Variants in TMEM117 observed in about 807,000 individuals in gnomAD.
TMEM117 encodes transmembrane protein 117.
Under a neutral mutation model 52.4 loss-of-function variants are expected in TMEM117, and 27 were observed. The observed-to-expected ratio is 0.51, with a 90% CI of 0.38 to 0.71. The LOEUF is 0.71. Ranked by LOEUF, TMEM117 falls within the 30% of genes least tolerant of loss-of-function variation. The probability of loss-of-function intolerance (pLI) is 0.00; values close to 1 mark genes in which losing one functional copy is unlikely to be tolerated. For synonymous variants in TMEM117, 215 were observed against 206.3 expected (o/e 1.04, Z -0.36); for missense variants, 556 against 630.5 (o/e 0.88, Z 1.26).
At chr12:43,799,793 A>G in the TMEM117 span, among the ~76,000 whole-genome samples, 2 of 152,130 alleles carry the variant, frequency 1.3e-5, no homozygotes, top group African/African-American at 4.8e-5. Context: ...GTAAGTCTAT[A>G]GGACAACTGT....
intron 3 of TMEM117, among the ~76,000 whole-genome samples, chr12:44,072,637 C>G (rs1947319459): frequency 6.6e-6 from 1 of 152,112 alleles, no homozygotes; most frequent in Non-Finnish European, 1.5e-5. Context: ...GAAAATAAAA[C>G]AAACAACAAA....
intron 3 of TMEM117, among the ~76,000 whole-genome samples, chr12:43,981,794 GAAA>G (rs1230539468): frequency 1.3e-5 from 2 of 151,682 alleles, no homozygotes; most frequent in Non-Finnish European, 2.9e-5. Flanking sequence ...GAATTGCAAA[GAAA>G]AAAAATGTAG....
chr12:44,104,236 A>G (rs996692365), intron 3 of TMEM117, among the ~76,000 whole-genome samples: 5 of 152,038 alleles, frequency 3.3e-5, no homozygotes, highest in Admixed American at 3.3e-4. Flanking sequence ...TATAACAGGA[A>G]TATAAGGTCA....
At chr12:44,330,924 T>G (rs898689074) in intron 6 of TMEM117, among the ~76,000 whole-genome samples, 1 of 152,070 alleles carries the variant, frequency 6.6e-6, no homozygotes, top group Non-Finnish European at 1.5e-5. Flanking sequence ...AATGGCATTG[T>G]TTTATACTAT....
chr12:43,839,312 G>A (rs978504970), intron 1 of TMEM117, among the ~76,000 whole-genome samples: 5 of 151,986 alleles, frequency 3.3e-5, no homozygotes, highest in African/African-American at 7.3e-5. Flanking sequence ...TCCCACTCAG[G>A]GTGAAAGCCC....
intron 3 of TMEM117, among the ~76,000 whole-genome samples, chr12:44,061,130 A>G (rs1947132490): frequency 6.6e-6 from 1 of 152,296 alleles, no homozygotes; most frequent in Non-Finnish European, 1.5e-5. Flanking sequence ...TGAGTTGAAA[A>G]TATTTATTGC....
intron 6 of TMEM117, among the ~76,000 whole-genome samples, chr12:44,366,578 G>C (rs1951792414): frequency 6.6e-6 from 1 of 152,066 alleles, no homozygotes. Context: ...CTAGAGCTCA[G>C]AGGATGAATG....
intron 6 of TMEM117, among the ~76,000 whole-genome samples, chr12:44,348,215 G>A (rs1951513900): frequency 6.6e-6 from 1 of 151,326 alleles, no homozygotes; most frequent in Non-Finnish European, 1.5e-5. Context: ...ACACATTCTG[G>A]TTTAAGATAT....
intron 6 of TMEM117, among the ~76,000 whole-genome samples, chr12:44,318,115 C>T (rs1003033382): frequency 3.9e-5 from 6 of 152,144 alleles, no homozygotes; most frequent in African/African-American, 1.2e-4. Flanking sequence ...CATAGGGGGC[C>T]GTACTGCACC....
At chr12:44,089,975 T>C (rs1418826704) in intron 3 of TMEM117, among the ~76,000 whole-genome samples, 1 of 152,218 alleles carries the variant, frequency 6.6e-6, no homozygotes, top group Non-Finnish European at 1.5e-5. Context: ...AGAGCATCTA[T>C]TGTGATTAGC....
At chr12:44,084,344 T>C (rs553642186) in intron 3 of TMEM117, among the ~76,000 whole-genome samples, 1 of 152,322 alleles carries the variant, frequency 6.6e-6, no homozygotes, top group South Asian at 2.1e-4. Context: ...CCTAAGCCAT[T>C]ACTACCATAT....
chr12:44,355,059 G>A (rs1328801598), intron 6 of TMEM117, among the ~76,000 whole-genome samples: 6 of 151,902 alleles, frequency 3.9e-5, no homozygotes, highest in Non-Finnish European at 8.8e-5. Context: ...AAAGTAAATG[G>A]ATATATGATA....
rs189121940 is a variant in TMEM117 at position 44,339,560 on chromosome 12, G to A, written c.769-37035G>A. 5.9e-5 allele frequency among the ~76,000 whole-genome samples: 9 copies of A among 151,996 alleles called. No individual in the cohort carries two copies. In the East Asian group the frequency reaches 1.7e-3, roughly 30 times the overall value. On this transcript the variant is annotated intron_variant, in intron 6 of 7. Coordinates refer to ENST00000266534, the MANE Select transcript of TMEM117 (RefSeq NM_032256.3). ...AAAATTAGGTTTCAGAAAGGTAATG[G>A]TTATAACATTAATATACTATACAGA... is the stretch of plus-strand genomic sequence containing the variant.
intron 7 of TMEM117, among the ~76,000 whole-genome samples, chr12:44,377,687 G>A (rs372773323): frequency 1.3e-5 from 2 of 152,164 alleles, no homozygotes; most frequent in African/African-American, 4.8e-5. Flanking sequence ...TAATGAGTGT[G>A]TGTCTGTTTT....
chr12:43,973,445 C>A (rs933176556), intron 3 of TMEM117, among the ~76,000 whole-genome samples: 3 of 152,086 alleles, frequency 2.0e-5, no homozygotes. Flanking sequence ...CTTCTAAATC[C>A]CTTGTTACTT....
At chr12:44,323,610 T>C (rs1348299485) in intron 6 of TMEM117, among the ~76,000 whole-genome samples, 1 of 152,168 alleles carries the variant, frequency 6.6e-6, no homozygotes, top group Non-Finnish European at 1.5e-5. Flanking sequence ...GAAAATAACT[T>C]ATTGTTTTAT....
chr12:43,803,058 C>T, the TMEM117 span, among the ~76,000 whole-genome samples: 1 of 152,102 alleles, frequency 6.6e-6, no homozygotes, highest in Non-Finnish European at 1.5e-5. Context: ...GTGTTCACTG[C>T]AGCACTATAC....
chr12:44,239,171 T>C (rs1950033110), intron 5 of TMEM117, among the ~76,000 whole-genome samples: 1 of 152,208 alleles, frequency 6.6e-6, no homozygotes, highest in South Asian at 2.1e-4. Context: ...TTTCACGGTA[T>C]TATGTTTCTC....
intron 5 of TMEM117, among the ~76,000 whole-genome samples, chr12:44,238,133 G>A (rs1182677630): frequency 6.6e-6 from 1 of 152,042 alleles, no homozygotes; most frequent in African/African-American, 2.4e-5. Flanking sequence ...AAACTGTGAG[G>A]AAATTACAGA....
Sources: gnomAD v4.1 joint callset for allele counts (sites outside exome capture counted in the v4.1 genomes callset) on GRCh38, gnomAD v4.1.1 for gene constraint, MANE v1.5 for transcripts, NCBI Gene and HGNC (gene_info 2026-07-23, HGNC 2026-07-21) for gene names.